LARGE1: variants seen among roughly 807,000 people sequenced by gnomAD.
LARGE1 encodes xylosyl- and glucuronyltransferase LARGE1.
Under a neutral mutation model 87.6 loss-of-function variants are expected in LARGE1, and 43 were observed. The ratio of observed to expected loss-of-function variants is 0.49; its 90% CI spans 0.38 to 0.63. The LOEUF is 0.63. LARGE1 is among the 30% of genes least tolerant of loss of function. The pLI, the probability that LARGE1 is intolerant of heterozygous loss-of-function variation, is 0.00. For missense variants in LARGE1, 802 were observed against 1,000.2 expected (o/e 0.80, Z 2.67); for synonymous variants, 434 against 394.6 (o/e 1.10, Z -1.18).
chr22:33,238,891 T>C (rs916368719), intron 11 of LARGE1, among the ~76,000 whole-genome samples: 7 of 151,972 alleles, frequency 4.6e-5, no homozygotes, highest in Non-Finnish European at 7.4e-5. Context: ...GAAAATAATT[T>C]AGGAAGTGGT....
In LARGE1 at chr22:33,274,316, A is replaced by G. The variant is rs1157207107; in HGVS notation, c.*111T>C. 35 of 1,203,974 alleles carry G rather than the reference A, an allele frequency of 2.9e-5. No individual in the cohort carries two copies. Among genetic ancestry groups the G allele is most frequent in the Non-Finnish European group, 3.9e-5 (32 of 812,200 alleles). 74.6% of individuals were successfully genotyped at this position (1,203,974 alleles called of 1,614,324 possible). A position where few individuals can be genotyped will look rare whatever the true frequency, so the allele number is the denominator to read the frequency against. On this transcript the variant is annotated 3_prime_UTR_variant, in exon 15 of 15. Transcript: ENST00000397394. The stretch of plus-strand genomic sequence containing the variant: ...GCTTGGCTGGGCCAAAGAGATAAAT[A>G]AAAACAAACCGAAAAAGCATGGCTC...
At chr22:33,491,260 C>T (rs1008471931) in intron 6 of LARGE1, among the ~76,000 whole-genome samples, 12 of 152,238 alleles carry the variant, frequency 7.9e-5, no homozygotes, top group African/African-American at 2.9e-4. Context: ...ATGCTGTTTC[C>T]TGATAGCTGG....
chr22:33,283,455 A>G (rs1008066156), intron 12 of LARGE1, 107 bp from the exon 13 acceptor site: 1 of 1,235,824 alleles, frequency 8.1e-7, no homozygotes. Context: ...GTGGGAAAGA[A>G]AGCTCAGGTC....
chr22:33,443,210 G>A (rs961459911), intron 6 of LARGE1, among the ~76,000 whole-genome samples: 8 of 152,164 alleles, frequency 5.3e-5, no homozygotes, highest in African/African-American at 1.9e-4. Context: ...CACATGTCAA[G>A]GTCAAGAAAT....
chr22:33,397,594 A>G (rs914283209), intron 7 of LARGE1, among the ~76,000 whole-genome samples: 3 of 152,108 alleles, frequency 2.0e-5, no homozygotes, highest in Non-Finnish European at 4.4e-5. Flanking sequence ...TGAATATCTT[A>G]CTCTACCCAT....
intron 2 of LARGE1, among the ~76,000 whole-genome samples, chr22:33,678,137 G>A (rs1487818296): frequency 6.6e-6 from 1 of 152,200 alleles, no homozygotes; most frequent in East Asian, 1.9e-4. Context: ...AATCTGGAGA[G>A]CTCAAAAAGA....
chr22:33,453,346 C>T (rs1280348271), intron 6 of LARGE1, among the ~76,000 whole-genome samples: 1 of 151,562 alleles, frequency 6.6e-6, no homozygotes, highest in Non-Finnish European at 1.5e-5. Flanking sequence ...ACCTGGGAGG[C>T]ACAGGTTGCA....
At chr22:33,775,668 A>G (rs1190770552) in intron 1 of LARGE1, among the ~76,000 whole-genome samples, 1 of 152,196 alleles carries the variant, frequency 6.6e-6, no homozygotes, top group African/African-American at 2.4e-5. Context: ...CCTGGCCAAC[A>G]TGGTGAAACC....
At chr22:33,134,455 C>T in the LARGE1 span, among the ~76,000 whole-genome samples, 1 of 152,144 alleles carries the variant, frequency 6.6e-6, no homozygotes, top group African/African-American at 2.4e-5. Flanking sequence ...GACGGGATTT[C>T]ACCGTGTTAG....
At chr22:33,417,035 TA>T (rs1259317305) in intron 7 of LARGE1, among the ~76,000 whole-genome samples, 1 of 150,704 alleles carries the variant, frequency 6.6e-6, no homozygotes, top group East Asian at 2.0e-4. Flanking sequence ...GCCTCCCGAG[TA>T]GCTGGGACTA....
intron 2 of LARGE1, among the ~76,000 whole-genome samples, chr22:33,677,958 G>A (rs1430215324): frequency 6.6e-6 from 1 of 152,198 alleles, no homozygotes. Flanking sequence ...CTTGACAGGT[G>A]AGCACACAAC....
chr22:33,209,028 A>G (rs1360983125), intron 11 of LARGE1, among the ~76,000 whole-genome samples: 2 of 152,246 alleles, frequency 1.3e-5, no homozygotes, highest in East Asian at 3.8e-4. Context: ...GCTGCAATAA[A>G]TATACAGGTG....
chr22:33,413,290 C>T (rs777561275), intron 7 of LARGE1, among the ~76,000 whole-genome samples: 3 of 151,968 alleles, frequency 2.0e-5, no homozygotes, highest in Non-Finnish European at 4.4e-5. Context: ...ACTTCTACTC[C>T]TACCTATTGT....
intron 6 of LARGE1, among the ~76,000 whole-genome samples, chr22:33,445,647 CTT>C (rs201398589): frequency 4.9e-4 from 67 of 135,836 alleles, no homozygotes; most frequent in Middle Eastern, 3.9e-3. Context: ...AAGGGGGCCA[CTT>C]TTTTTTTTTT....
chr22:33,476,955 T>C (rs534969300), intron 6 of LARGE1, among the ~76,000 whole-genome samples: 160 of 152,226 alleles, frequency 1.1e-3, no homozygotes, highest in African/African-American at 3.7e-3. Context: ...TCGGTGACAA[T>C]TGCTGGAATC....
At chr22:33,615,937 T>C (rs993542099) in intron 4 of LARGE1, among the ~76,000 whole-genome samples, 2 of 152,102 alleles carry the variant, frequency 1.3e-5, no homozygotes, top group Admixed American at 1.3e-4. Context: ...TCATTAATCA[T>C]TAGGGAAATG....
chr22:33,675,996 G>C (rs2081565760), intron 2 of LARGE1, among the ~76,000 whole-genome samples: 1 of 120,586 alleles, frequency 8.3e-6, no homozygotes, highest in South Asian at 2.4e-4. Context: ...ATAAAGCCTG[G>C]AGGTTTTCTT....
chr22:33,368,664 T>C (rs184091011), intron 9 of LARGE1, among the ~76,000 whole-genome samples: 1 of 152,190 alleles, frequency 6.6e-6, no homozygotes, highest in East Asian at 1.9e-4. Flanking sequence ...GTATATGTAT[T>C]TGGACAGATA....
At chr22:33,818,807 G>A (rs1267728610) in intron 1 of LARGE1, among the ~76,000 whole-genome samples, 2 of 152,104 alleles carry the variant, frequency 1.3e-5, no homozygotes, top group East Asian at 3.9e-4. Flanking sequence ...TGGCTTTTTC[G>A]AGGCAAATTG....
Sources: gnomAD v4.1 joint callset for allele counts (sites outside exome capture counted in the v4.1 genomes callset) on GRCh38, gnomAD v4.1.1 for gene constraint, MANE v1.5 for transcripts, NCBI Gene and HGNC (gene_info 2026-07-23, HGNC 2026-07-21) for gene names.